Variants in CWC27 observed in about 807,000 individuals in gnomAD.
CWC27 encodes the protein CWC27 spliceosome associated cyclophilin.
A neutral mutation model predicts 63.6 loss-of-function variants in CWC27; 47 were observed. That is an observed-to-expected ratio of 0.74 (90% CI 0.58 to 0.94). The LOEUF is 0.94. CWC27 is among the 40% of genes least tolerant of loss of function. CWC27 has a pLI of 0.00. For missense variants in CWC27, 495 were observed against 554.3 expected, an observed-to-expected ratio of 0.89 and a Z score of 1.07; for synonymous variants, 175 against 179.8, an observed-to-expected ratio of 0.97 and a Z score of 0.22.
At chr5:64,781,717 A>G (rs1743697916) in intron 2 of CWC27, among the ~76,000 whole-genome samples, 1 of 152,224 alleles carries the variant, frequency 6.6e-6, no homozygotes, top group Non-Finnish European at 1.5e-5. Flanking sequence ...TAAAAACAAG[A>G]AGTCAACAGT....
chr5:64,873,615 C>T (rs1746728243), intron 10 of CWC27, among the ~76,000 whole-genome samples: 1 of 152,044 alleles, frequency 6.6e-6, no homozygotes, highest in South Asian at 2.1e-4. Flanking sequence ...CAAATATTTT[C>T]TCCCATTCAA....
chr5:64,834,427 C>A (rs113960893), intron 10 of CWC27, among the ~76,000 whole-genome samples: 137 of 151,606 alleles, frequency 9.0e-4, no homozygotes, highest in African/African-American at 3.2e-3. Context: ...TAGGTCCCTC[C>A]AAGAGATCTG....
intron 13 of CWC27, among the ~76,000 whole-genome samples, chr5:64,984,014 G>T (rs1389786381): frequency 6.6e-6 from 1 of 151,948 alleles, no homozygotes; most frequent in African/African-American, 2.4e-5. Context: ...TGTATTTTTA[G>T]TAGAGATGGG....
At chr5:64,973,771 G>C (rs925029059) in intron 12 of CWC27, among the ~76,000 whole-genome samples, 1 of 152,088 alleles carries the variant, frequency 6.6e-6, no homozygotes, top group Non-Finnish European at 1.5e-5. Flanking sequence ...CTCATTAATT[G>C]GCTTAAAAAC....
intron 11 of CWC27, among the ~76,000 whole-genome samples, chr5:64,960,678 A>G (rs1024325169): frequency 6.6e-5 from 10 of 152,188 alleles, no homozygotes; most frequent in African/African-American, 2.4e-4. Flanking sequence ...CATCACCTTT[A>G]TTTAGTTAGC....
At chr5:64,973,200 G>A (rs563432338) in intron 12 of CWC27, among the ~76,000 whole-genome samples, 12 of 152,334 alleles carry the variant, frequency 7.9e-5, no homozygotes, top group Admixed American at 7.2e-4. Flanking sequence ...AAGTAAGTTC[G>A]TACAAGGTAT....
chr5:64,908,711 C>CT (rs1008329736), intron 11 of CWC27, among the ~76,000 whole-genome samples: 3 of 152,096 alleles, frequency 2.0e-5, no homozygotes, highest in Admixed American at 6.5e-5. Flanking sequence ...GCAACCCCTG[C>CT]TTTTTTTTGT....
intron 10 of CWC27, among the ~76,000 whole-genome samples, chr5:64,819,775 C>T (rs1205915449): frequency 1.3e-5 from 2 of 152,154 alleles, no homozygotes; most frequent in African/African-American, 4.8e-5. Context: ...TATTATAGTA[C>T]TTAAGCATGG....
At chr5:65,003,915 G>A (rs2112467997) in intron 13 of CWC27, among the ~76,000 whole-genome samples, 1 of 151,510 alleles carries the variant, frequency 6.6e-6, no homozygotes, top group Non-Finnish European at 1.5e-5. Context: ...CATGATCTTG[G>A]CTCACTGCAA....
rs555146539 is a variant in CWC27 at position 64,882,687 on chromosome 5, G to C, written c.939-2756G>C. On this transcript the variant is annotated intron_variant, in intron 10 of 13. Coordinates refer to ENST00000381070, the MANE Select transcript of CWC27 (RefSeq NM_005869.4). ...TGGCTCACTGCAGGCTCCGCCTCTC[G>C]GGTTTGCACCATTTTCCTGCCTCAG... 2.6e-5 allele frequency among the ~76,000 whole-genome samples: 4 copies of C among 152,244 alleles called. No homozygotes were observed. In the East Asian group the frequency reaches 7.7e-4, roughly 29 times the overall value.
At chr5:64,926,353 G>A (rs1174575576) in intron 11 of CWC27, among the ~76,000 whole-genome samples, 2 of 150,478 alleles carry the variant, frequency 1.3e-5, no homozygotes, top group Non-Finnish European at 3.0e-5. Context: ...TACTGATCTA[G>A]TAAGCCAAAC....
intron 11 of CWC27, among the ~76,000 whole-genome samples, chr5:64,938,094 GC>G (rs1162317517): frequency 1.3e-5 from 2 of 151,988 alleles, no homozygotes; most frequent in South Asian, 2.1e-4. Flanking sequence ...GGGGCATTTA[GC>G]CCATTTACAT....
At chr5:64,778,494 T>A (rs1299907478) in intron 2 of CWC27, among the ~76,000 whole-genome samples, 1 of 152,218 alleles carries the variant, frequency 6.6e-6, no homozygotes, top group Non-Finnish European at 1.5e-5. Context: ...CTGGGGTATA[T>A]TTTATATTCA....
At chr5:65,002,971 T>C (rs1263501926) in intron 13 of CWC27, among the ~76,000 whole-genome samples, 3 of 152,238 alleles carry the variant, frequency 2.0e-5, no homozygotes, top group African/African-American at 7.2e-5. Flanking sequence ...GGTGCTCGAA[T>C]GTTGGGTACA....
chr5:64,863,817 T>C (rs1746474581), intron 10 of CWC27, among the ~76,000 whole-genome samples: 1 of 152,182 alleles, frequency 6.6e-6, no homozygotes, highest in Non-Finnish European at 1.5e-5. Context: ...ATGCTTTTCT[T>C]AGCAGATATT....
intron 13 of CWC27, among the ~76,000 whole-genome samples, chr5:64,991,705 A>G (rs1309555): frequency 0.45 from 69,093 of 152,110 alleles, 15,876 homozygotes; most frequent in African/African-American, 0.49. Context: ...TAGGCTGGGC[A>G]ACAGAGACCC....
At chr5:64,902,713 A>G (rs935076523) in intron 11 of CWC27, among the ~76,000 whole-genome samples, 2 of 152,168 alleles carry the variant, frequency 1.3e-5, no homozygotes, top group South Asian at 2.1e-4. Context: ...ATGCATGTCC[A>G]TGTGAATTTT....
chr5:64,982,685 CTG>C (rs778529816), intron 13 of CWC27, among the ~76,000 whole-genome samples: 38 of 152,234 alleles, frequency 2.5e-4, no homozygotes, highest in Non-Finnish European at 3.2e-4. Flanking sequence ...AGGGTGGAGA[CTG>C]TGAAAATAAT....
At position 64,916,819 on chromosome 5, in the gene CWC27, G is replaced by A. The variant is rs145391756; in HGVS notation, c.1042+31273G>A. Among the ~76,000 whole-genome samples, 411 of 152,082 alleles carry A rather than the reference G, an allele frequency of 2.7e-3. 2 individuals are homozygous for A. The highest frequency in any genetic ancestry group is 9.0e-3 in the African/African-American group (375 of 41,498). ...ATTGGCATGTTCATTTGTTTATTGC[G>A]AGGTTACAGTATGTAAAGTATGTAA... On this transcript the variant is annotated intron_variant, in intron 11 of 13. Coordinates refer to ENST00000381070, the MANE Select transcript of CWC27 (RefSeq NM_005869.4).
Sources: allele counts gnomAD v4.1 joint callset (sites outside exome capture counted in the v4.1 genomes callset), GRCh38; gene constraint gnomAD v4.1.1; transcripts MANE v1.5; gene names NCBI Gene and HGNC (gene_info 2026-07-23, HGNC 2026-07-21).